PRICKLE1: variants seen among roughly 807,000 people sequenced by gnomAD.
PRICKLE1 encodes prickle planar cell polarity protein 1.
PRICKLE1 carries 14 observed loss-of-function variants against 70.2 expected under a neutral mutation model. The observed-to-expected ratio is 0.20, with a 90% CI of 0.13 to 0.31. PRICKLE1 has a LOEUF of 0.31. Among genes scored for constraint, PRICKLE1 ranks in the 10% least tolerant of loss-of-function variants. The probability of loss-of-function intolerance (pLI) is 1.00; values close to 1 mark genes in which losing one functional copy is unlikely to be tolerated. For missense variants in PRICKLE1, 821 were observed against 1,026.2 expected, an observed-to-expected ratio of 0.80 and a Z score of 2.73; for synonymous variants, 357 against 379.9, an observed-to-expected ratio of 0.94 and a Z score of 0.70.
chr12:42,566,095 A>G (rs1169931717), intron 1 of PRICKLE1, among the ~76,000 whole-genome samples: 1 of 152,116 alleles, frequency 6.6e-6, no homozygotes. Context: ...CTCTTAGTAG[A>G]AGCACATTTG....
chr12:42,491,412 G>A (rs1939102635), intron 1 of PRICKLE1, among the ~76,000 whole-genome samples: 1 of 151,492 alleles, frequency 6.6e-6, no homozygotes, highest in East Asian at 2.0e-4. Flanking sequence ...AACTAGCCAG[G>A]CATGGTGGTG....
At chr12:42,519,941 T>C (rs1593151991) in intron 1 of PRICKLE1, among the ~76,000 whole-genome samples, 1 of 152,294 alleles carries the variant, frequency 6.6e-6, no homozygotes, top group Non-Finnish European at 1.5e-5. Context: ...CAGAGTAGTT[T>C]GGCCTACAGA....
chr12:42,522,274 C>A (rs1422578220), intron 1 of PRICKLE1, among the ~76,000 whole-genome samples: 9 of 152,014 alleles, frequency 5.9e-5, no homozygotes, highest in African/African-American at 1.9e-4. Flanking sequence ...CCATACCTGG[C>A]CTTAACTTTT....
intron 1 of PRICKLE1, among the ~76,000 whole-genome samples, chr12:42,561,524 G>C (rs1352060284): frequency 6.6e-6 from 1 of 152,134 alleles, no homozygotes. Flanking sequence ...CTGTAGAAAG[G>C]TTTATTCTGT....
At chr12:42,488,284 G>A (rs992703884) in intron 1 of PRICKLE1, among the ~76,000 whole-genome samples, 8 of 152,178 alleles carry the variant, frequency 5.3e-5, no homozygotes, top group African/African-American at 1.9e-4. Context: ...ATACCAGATA[G>A]GTGTTTACAG....
Position 42,469,564 on chromosome 12 carries a change from A to G in PRICKLE1, c.270T>C (p.Ser90=). 1.2e-6 allele frequency: 2 copies of G among 1,613,952 alleles called. No homozygotes were observed. The highest frequency in any genetic ancestry group is 1.3e-5 in the African/African-American group (1 of 74,928). The change falls in exon 4 of 8, where the codon AGT becomes AGC. Residue 90 remains serine, a synonymous_variant. Transcript: ENST00000345127. The part of the protein sequence containing the change: ...DNEVRYCQSL[S]EEEKKELQVF... ...CCTGCAACTCTTTTTTCTCCTCTTC[A>G]CTCAAAGACTGGCAATACCGTACCT...
chr12:42,548,451 G>A (rs113353896), intron 1 of PRICKLE1, among the ~76,000 whole-genome samples: 2 of 152,258 alleles, frequency 1.3e-5, no homozygotes, highest in East Asian at 1.9e-4. Flanking sequence ...GACAAAAAGC[G>A]GGGAACCCAA....
chr12:42,585,800 A>G lies in PRICKLE1; in HGVS notation c.-49+3665T>C, dbSNP rs533867301. Among the ~76,000 whole-genome samples, 11 of 152,246 alleles carry G rather than the reference A, an allele frequency of 7.2e-5. No individual in the cohort carries two copies. In the South Asian group the frequency reaches 1.5e-3, roughly 20 times the overall value. The stretch of plus-strand genomic sequence containing the variant: ...TTAACCTCCACTTCAGTTCAGCATG[A>G]CCATAAACAAGGGGATGTGATTACC... On this transcript the variant is annotated intron_variant, in intron 1 of 7. Coordinates refer to ENST00000345127, the MANE Select transcript of PRICKLE1 (RefSeq NM_153026.3).
At chr12:42,467,070 C>T (rs762594720) in intron 5 of PRICKLE1, among the ~76,000 whole-genome samples, 6 of 151,942 alleles carry the variant, frequency 3.9e-5, no homozygotes, top group African/African-American at 1.2e-4. Flanking sequence ...GGGACAGAGA[C>T]GGGGTCTCAC....
intron 1 of PRICKLE1, among the ~76,000 whole-genome samples, chr12:42,588,964 A>T (rs779954162): frequency 4.6e-5 from 7 of 152,084 alleles, no homozygotes; most frequent in Non-Finnish European, 8.8e-5. Flanking sequence ...ATCGCGGGGC[A>T]GGGGGTTGGG....
At chr12:42,529,770 C>A (rs1028375357) in intron 1 of PRICKLE1, among the ~76,000 whole-genome samples, 2 of 152,046 alleles carry the variant, frequency 1.3e-5, no homozygotes, top group Non-Finnish European at 2.9e-5. Flanking sequence ...GTTGCGCATG[C>A]CTATAATCCC....
intron 1 of PRICKLE1, among the ~76,000 whole-genome samples, chr12:42,574,105 C>T (rs1229604731): frequency 6.6e-6 from 1 of 152,194 alleles, no homozygotes; most frequent in African/African-American, 2.4e-5. Flanking sequence ...AGGTTAAATA[C>T]AGGATGCCCA....
intron 1 of PRICKLE1, among the ~76,000 whole-genome samples, chr12:42,518,255 G>T (rs542091782): frequency 6.6e-6 from 1 of 152,184 alleles, no homozygotes; most frequent in African/African-American, 2.4e-5. Flanking sequence ...TGTTGCCCAG[G>T]CTGGTCTTGA....
At chr12:42,483,866 T>C (rs1215023477) in intron 1 of PRICKLE1, 1 of 150,358 alleles carries the variant, frequency 6.7e-6, no homozygotes, top group Non-Finnish European at 1.5e-5. Flanking sequence ...CGGGTTGGAG[T>C]CACCTCGTCC....
intron 1 of PRICKLE1, among the ~76,000 whole-genome samples, chr12:42,525,820 ATGT>A (rs1939790291): frequency 6.6e-6 from 1 of 151,824 alleles, no homozygotes; most frequent in Non-Finnish European, 1.5e-5. Context: ...CTACATCATA[ATGT>A]TGTTGATGTA....
chr12:42,511,843 C>G (rs181761271), intron 1 of PRICKLE1, among the ~76,000 whole-genome samples: 2 of 152,310 alleles, frequency 1.3e-5, no homozygotes, highest in East Asian at 1.9e-4. Flanking sequence ...ATATTGTGCT[C>G]TGTACATTTC....
In PRICKLE1 at chr12:42,533,412, A is replaced by G. The variant is rs149754482; in HGVS notation, c.-49+56053T>C. Among the ~76,000 whole-genome samples the G allele has an allele frequency of 3.9e-5, 6 of 152,306 alleles. No individual in the cohort carries two copies. The East Asian group carries it at 1.2e-3, about 29-fold the overall frequency. ...TCTGCGTTTCATACCAGTGAGTACT[A>G]ATTTCATTGTCCATAGAGAATAATT... On this transcript the variant is annotated intron_variant, in intron 1 of 7. Coordinates refer to ENST00000345127, the MANE Select transcript of PRICKLE1 (RefSeq NM_153026.3).
At position 42,464,957 on chromosome 12, in the gene PRICKLE1, C is replaced by G. The variant is rs1236954949; in HGVS notation, c.1077G>C (p.Lys359Asn). ...SLLLSPALNY[K>N]FPGLSGNADD... ...CAGCATTGCCTGAGAGGCCAGGAAA[C>G]TTGTAGTTCAGAGCAGGCGATAAGA... Residue 359 changes from lysine to asparagine, a missense_variant, in exon 7 of 8, where the codon AAG (lysine) becomes AAC (asparagine). Coordinates refer to ENST00000345127, the MANE Select transcript of PRICKLE1 (RefSeq NM_153026.3). The surrounding 1 kb of genome is among the most constrained non-coding windows in gnomAD (Gnocchi z 4.2). 1 of 1,614,016 alleles carries G rather than the reference C, an allele frequency of 6.2e-7. No individual in the cohort carries two copies. Among genetic ancestry groups the G allele is most frequent in the East Asian group, 2.2e-5 (1 of 44,880 alleles).
intron 1 of PRICKLE1, among the ~76,000 whole-genome samples, chr12:42,548,009 A>G (rs1344508409): frequency 1.3e-5 from 2 of 152,188 alleles, no homozygotes; most frequent in Non-Finnish European, 2.9e-5. Context: ...AATATTTTAA[A>G]TAATTGTATG....
Sources: gnomAD v4.1 joint callset for allele counts (sites outside exome capture counted in the v4.1 genomes callset) on GRCh38, gnomAD v4.1.1 for gene constraint, Gnocchi (gnomAD v3.1) non-coding constraint, MANE v1.5 for transcripts, NCBI Gene and HGNC (gene_info 2026-07-23, HGNC 2026-07-21) for gene names.